Variants in RERE observed in about 807,000 individuals in gnomAD.
RERE encodes the protein arginine-glutamic acid dipeptide repeats.
A neutral mutation model predicts 146.1 loss-of-function variants in RERE; 40 were observed. That is an observed-to-expected ratio of 0.27 (90% CI 0.21 to 0.36). RERE has a LOEUF of 0.36. Ranked by LOEUF, RERE falls within the 10% of genes least tolerant of loss-of-function variation. The pLI is 1.00. For synonymous variants in RERE, 1,003 were observed against 866.0 expected, an observed-to-expected ratio of 1.16 and a Z score of -2.78; for missense variants, 1,933 against 2,138.7, an observed-to-expected ratio of 0.90 and a Z score of 1.90.
intron 4 of RERE, among the ~76,000 whole-genome samples, chr1:8,606,962 T>A (rs1394977311): frequency 3.3e-5 from 5 of 152,230 alleles, no homozygotes; most frequent in Non-Finnish European, 5.9e-5. Context: ...AAAAAAGGAT[T>A]AACTTTAAGT....
chr1:8,770,674 T>A (rs1449553506), intron 1 of RERE, among the ~76,000 whole-genome samples: 1 of 152,244 alleles, frequency 6.6e-6, no homozygotes, highest in Admixed American at 6.5e-5. Context: ...AACCTATGGC[T>A]AATGTACTGC....
chr1:8,512,255 G>A (rs1394290500), intron 7 of RERE, among the ~76,000 whole-genome samples: 7 of 148,994 alleles, frequency 4.7e-5, no homozygotes, highest in Admixed American at 4.0e-4. Flanking sequence ...GGATGGTCTC[G>A]ATCTCCTGAC....
At chr1:8,506,588 A>G (rs1180580716) in intron 8 of RERE, among the ~76,000 whole-genome samples, 1 of 152,238 alleles carries the variant, frequency 6.6e-6, no homozygotes, top group Non-Finnish European at 1.5e-5. Flanking sequence ...CCATGTCTTT[A>G]GACATGATGG....
chr1:8,626,917 T>C (rs1410798246), intron 2 of RERE, among the ~76,000 whole-genome samples: 1 of 152,224 alleles, frequency 6.6e-6, no homozygotes, highest in East Asian at 1.9e-4. Context: ...AATAGGTCCC[T>C]TTCTAATTAA....
intron 4 of RERE, among the ~76,000 whole-genome samples, chr1:8,592,017 A>G (rs1334717570): frequency 6.6e-6 from 1 of 152,242 alleles, no homozygotes; most frequent in African/African-American, 2.4e-5. Flanking sequence ...AAAGATTTTT[A>G]TAGAAGGAAA....
chr1:8,624,159 C>A, intron 3 of RERE, 151 bp downstream of exon 3: 4 of 624,994 alleles, frequency 6.4e-6, no homozygotes, highest in Non-Finnish European at 1.2e-5. Context: ...TAGTAACCCT[C>A]ATTTCAGTGC....
chr1:8,648,392 C>T (rs561899715), intron 2 of RERE, among the ~76,000 whole-genome samples: 7 of 152,016 alleles, frequency 4.6e-5, no homozygotes, highest in Admixed American at 6.6e-5. Context: ...CCACCAAGCC[C>T]GGCTAACTTT....
intron 11 of RERE, among the ~76,000 whole-genome samples, chr1:8,459,209 T>C (rs1369066115): frequency 6.6e-6 from 1 of 152,244 alleles, no homozygotes; most frequent in Non-Finnish European, 1.5e-5. Context: ...CAGGCAAATC[T>C]CACTTGAATC....
chr1:8,736,459 G>C (rs772262994), intron 1 of RERE, among the ~76,000 whole-genome samples: 1 of 151,992 alleles, frequency 6.6e-6, no homozygotes, highest in Non-Finnish European at 1.5e-5. Flanking sequence ...CACCCACCTC[G>C]GCCTCCCAAA....
intron 10 of RERE, among the ~76,000 whole-genome samples, chr1:8,475,646 C>A (rs570539188): frequency 3.3e-5 from 5 of 151,290 alleles, no homozygotes; most frequent in Admixed American, 6.6e-5. Flanking sequence ...CACGCCACTG[C>A]ACTCTAGCCT....
chr1:8,393,650 C>G (rs1642959627), intron 12 of RERE, among the ~76,000 whole-genome samples: 1 of 152,148 alleles, frequency 6.6e-6, no homozygotes, highest in Non-Finnish European at 1.5e-5. Flanking sequence ...CTGGTTATTT[C>G]TGTTATCAAT....
chr1:8,481,426 C>T (rs867445319), intron 10 of RERE, among the ~76,000 whole-genome samples: 4 of 152,102 alleles, frequency 2.6e-5, no homozygotes, highest in Admixed American at 6.5e-5. Flanking sequence ...ATTAACCAGA[C>T]ATTTCAAGAA....
At chr1:8,724,542 G>A in intron 1 of RERE, among the ~76,000 whole-genome samples, 1 of 152,076 alleles carries the variant, frequency 6.6e-6, no homozygotes, top group African/African-American at 2.4e-5. Context: ...ATATTACACA[G>A]CTGCTTTAAA....
chr1:8,646,236 A>G (rs1647300473), intron 2 of RERE, among the ~76,000 whole-genome samples: 1 of 152,318 alleles, frequency 6.6e-6, no homozygotes, highest in African/African-American at 2.4e-5. Flanking sequence ...TGACCTTATT[A>G]AAGAACAGGT....
chr1:8,778,889 C>T (rs777623691), intron 1 of RERE, among the ~76,000 whole-genome samples: 17 of 152,028 alleles, frequency 1.1e-4, no homozygotes, highest in Non-Finnish European at 2.5e-4. Flanking sequence ...CCTCTGTCAC[C>T]CAGGCTAGAT....
At chr1:8,732,658 C>T (rs1453570391) in intron 1 of RERE, among the ~76,000 whole-genome samples, 2 of 152,036 alleles carry the variant, frequency 1.3e-5, no homozygotes, top group Non-Finnish European at 2.9e-5. Flanking sequence ...CTGTAGACTT[C>T]AGTTAATAAT....
At chr1:8,439,657 C>T (rs552782636) in intron 11 of RERE, among the ~76,000 whole-genome samples, 69 of 152,308 alleles carry the variant, frequency 4.5e-4, no homozygotes, top group African/African-American at 1.6e-3. Context: ...GAACCACACC[C>T]CCTGGCGGTT....
chr1:8,780,207 T>A (rs890471212), intron 1 of RERE, among the ~76,000 whole-genome samples: 1 of 152,154 alleles, frequency 6.6e-6, no homozygotes, highest in Admixed American at 6.6e-5. Context: ...GGACAACCTA[T>A]TTGGGCTCCA....
At chr1:8,723,968 A>C (rs1639909892) in intron 1 of RERE, among the ~76,000 whole-genome samples, 1 of 152,194 alleles carries the variant, frequency 6.6e-6, no homozygotes, top group Non-Finnish European at 1.5e-5. Flanking sequence ...TATCAAATGA[A>C]TCTATATAGT....
Sources: allele counts gnomAD v4.1 joint callset (sites outside exome capture counted in the v4.1 genomes callset), GRCh38; gene constraint gnomAD v4.1.1; transcripts MANE v1.5; gene names NCBI Gene and HGNC (gene_info 2026-07-23, HGNC 2026-07-21).